SNTG2: variants seen among roughly 807,000 people sequenced by gnomAD.
SNTG2 encodes the protein syntrophin gamma 2.
Under a neutral mutation model 70.9 loss-of-function variants are expected in SNTG2, and 74 were observed. That is an observed-to-expected ratio of 1.04 (90% CI 0.86 to 1.27). The LOEUF (loss-of-function observed/expected upper bound fraction) is 1.27. SNTG2 is among the 50% of genes most tolerant of loss of function. The pLI is 0.00. For synonymous variants in SNTG2, 278 were observed against 273.8 expected (o/e 1.02, Z -0.15); for missense variants, 717 against 690.7 (o/e 1.04, Z -0.43).
At chr2:1,110,211 A>G (rs945076088) in intron 4 of SNTG2, among the ~76,000 whole-genome samples, 2 of 152,206 alleles carry the variant, frequency 1.3e-5, no homozygotes, top group Non-Finnish European at 2.9e-5. Context: ...GTCTAAAGTC[A>G]TGGCCTGGAC....
At chr2:1,356,383 C>T (rs543421263) in intron 16 of SNTG2, among the ~76,000 whole-genome samples, 1 of 152,234 alleles carries the variant, frequency 6.6e-6, no homozygotes, top group Admixed American at 6.5e-5. Flanking sequence ...GATAAAGGTC[C>T]AATTTTATTC....
intron 8 of SNTG2, among the ~76,000 whole-genome samples, chr2:1,175,361 T>G (rs1049707015): frequency 1.3e-5 from 2 of 152,230 alleles, no homozygotes; most frequent in Admixed American, 1.3e-4. Context: ...TTGTGTCATC[T>G]GTAGGCCTTG....
At chr2:1,320,208 T>C (rs576110315) in intron 16 of SNTG2, among the ~76,000 whole-genome samples, 1 of 151,740 alleles carries the variant, frequency 6.6e-6, no homozygotes, top group African/African-American at 2.4e-5. Context: ...GGGAGCAGAG[T>C]GAAATATTCC....
rs534056798 is a variant in SNTG2 at position 1,220,976 on chromosome 2, G to A, written c.719+11746G>A. Among the ~76,000 whole-genome samples, 9 of 152,320 alleles carry A rather than the reference G, an allele frequency of 5.9e-5. 2 individuals are homozygous for A. The South Asian group carries it at 1.9e-3, about 32-fold the overall frequency. On this transcript the variant is annotated intron_variant, in intron 9 of 16. Coordinates refer to ENST00000308624, the MANE Select transcript of SNTG2 (RefSeq NM_018968.4). ...TAGAGAACAAGGGCTGCTGATTTTC[G>A]GAGGCACCCTGACACCCCTCCCCAT...
chr2:974,303 A>G (rs1406779738), intron 1 of SNTG2, among the ~76,000 whole-genome samples: 5 of 152,150 alleles, frequency 3.3e-5, no homozygotes, highest in Non-Finnish European at 5.9e-5. Flanking sequence ...CATGCTCCAC[A>G]TGGTGTAGCA....
At chr2:1,284,181 G>A (rs1331506031) in intron 14 of SNTG2, among the ~76,000 whole-genome samples, 48 of 152,164 alleles carry the variant, frequency 3.2e-4, no homozygotes, top group Admixed American at 3.1e-3. Context: ...TAAGAGCGCT[G>A]GTGGTAATGT....
intron 4 of SNTG2, among the ~76,000 whole-genome samples, chr2:1,130,631 A>G (rs987208437): frequency 6.6e-6 from 1 of 152,196 alleles, no homozygotes; most frequent in Non-Finnish European, 1.5e-5. Context: ...ATTTTATTTT[A>G]TTTAAAAGAA....
chr2:1,224,327 TCA>T (rs1258972419), intron 9 of SNTG2, among the ~76,000 whole-genome samples: 1 of 152,230 alleles, frequency 6.6e-6, no homozygotes, highest in Non-Finnish European at 1.5e-5. Flanking sequence ...ACTATGGAAG[TCA>T]CACTCTTCAA....
intron 1 of SNTG2, among the ~76,000 whole-genome samples, chr2:1,003,962 A>G (rs2147990382): frequency 6.6e-6 from 1 of 152,306 alleles, no homozygotes; most frequent in South Asian, 2.1e-4. Flanking sequence ...TGAAATCCCC[A>G]TGCAAACTGA....
intron 2 of SNTG2, 114 bp downstream of exon 2, chr2:1,083,769 T>A: frequency 8.5e-7 from 1 of 1,172,652 alleles, no homozygotes; most frequent in Non-Finnish European, 1.2e-6. Flanking sequence ...ACTCGTTATT[T>A]AAATATCCCC....
intron 1 of SNTG2, chr2:1,068,415 CA>C (rs1354239914): frequency 2.0e-5 from 3 of 152,122 alleles, no homozygotes; most frequent in African/African-American, 7.2e-5. Context: ...GAGATGGTAA[CA>C]GTGGAATGGC....
intron 9 of SNTG2, among the ~76,000 whole-genome samples, chr2:1,235,948 C>CGT (rs775398769): frequency 1.7e-4 from 26 of 151,988 alleles, no homozygotes; most frequent in African/African-American, 5.8e-4. Flanking sequence ...GAGTTGTGTG[C>CGT]GTGTGTGTGT....
At chr2:959,393 A>C (rs2147943905) in intron 1 of SNTG2, among the ~76,000 whole-genome samples, 1 of 152,322 alleles carries the variant, frequency 6.6e-6, no homozygotes, top group South Asian at 2.1e-4. Flanking sequence ...AAGCTTTATC[A>C]AATTTTGTCG....
At chr2:959,508 G>A (rs368984066) in intron 1 of SNTG2, among the ~76,000 whole-genome samples, 1 of 151,942 alleles carries the variant, frequency 6.6e-6, no homozygotes, top group African/African-American at 2.4e-5. Context: ...GCCTGGAGTC[G>A]GGGGGAGGTC....
At chr2:1,129,474 G>C (rs963362137) in intron 4 of SNTG2, among the ~76,000 whole-genome samples, 1 of 152,144 alleles carries the variant, frequency 6.6e-6, no homozygotes, top group African/African-American at 2.4e-5. Flanking sequence ...TACAATTTTG[G>C]ATAAATTTGG....
At chr2:981,690 C>G (rs904838869) in intron 1 of SNTG2, among the ~76,000 whole-genome samples, 5 of 152,152 alleles carry the variant, frequency 3.3e-5, no homozygotes, top group Admixed American at 2.6e-4. Context: ...TGTGAGTGCA[C>G]ACATATACAC....
chr2:991,846 G>C (rs939428608), intron 1 of SNTG2, among the ~76,000 whole-genome samples: 2 of 152,176 alleles, frequency 1.3e-5, no homozygotes, highest in Non-Finnish European at 2.9e-5. Flanking sequence ...AAGAAATTTC[G>C]TGAGAGATTG....
chr2:1,138,380 G>A (rs1413800062), intron 6 of SNTG2, among the ~76,000 whole-genome samples: 1 of 152,150 alleles, frequency 6.6e-6, no homozygotes, highest in African/African-American at 2.4e-5. Context: ...CAGGTTAGGC[G>A]GATGAAACAG....
At chr2:1,190,159 C>G (rs1672491057) in intron 8 of SNTG2, among the ~76,000 whole-genome samples, 2 of 152,128 alleles carry the variant, frequency 1.3e-5, no homozygotes, top group South Asian at 2.1e-4. Context: ...TATATACACA[C>G]AGTCATCCCT....
Sources: allele counts gnomAD v4.1 joint callset (sites outside exome capture counted in the v4.1 genomes callset), GRCh38; gene constraint gnomAD v4.1.1; transcripts MANE v1.5; gene names NCBI Gene and HGNC (gene_info 2026-07-23, HGNC 2026-07-21).